CCDC149: variants seen among roughly 807,000 people sequenced by gnomAD.
The protein encoded by CCDC149 is coiled-coil domain containing 149.
A neutral mutation model predicts 59.9 loss-of-function variants in CCDC149; 45 were observed. That is an observed-to-expected ratio of 0.75 (90% CI 0.59 to 0.96). The LOEUF is 0.96. CCDC149 is among the 40% of genes least tolerant of loss of function. CCDC149 has a pLI of 0.00. For missense variants in CCDC149, 584 were observed against 664.7 expected (o/e 0.88, Z 1.33); for synonymous variants, 245 against 260.6 (o/e 0.94, Z 0.58).
chr4:24,883,123 C>A (rs1719947353), intron 1 of CCDC149, among the ~76,000 whole-genome samples: 1 of 152,068 alleles, frequency 6.6e-6, no homozygotes, highest in South Asian at 2.1e-4. Flanking sequence ...GAACAAGGCT[C>A]CTGACTTCCA....
chr4:24,814,722 C>A (rs1331407819), intron 12 of CCDC149, among the ~76,000 whole-genome samples: 1 of 152,220 alleles, frequency 6.6e-6, no homozygotes, highest in Non-Finnish European at 1.5e-5. Flanking sequence ...GAAAGGCTGC[C>A]AGTGTCTCGG....
At chr4:24,936,584 C>A (rs564108403) in intron 1 of CCDC149, among the ~76,000 whole-genome samples, 1 of 152,092 alleles carries the variant, frequency 6.6e-6, no homozygotes, top group African/African-American at 2.4e-5. Flanking sequence ...CTCCTCTTTC[C>A]GCTTTCTTGA....
chr4:24,898,900 C>A (rs560035570), intron 1 of CCDC149, among the ~76,000 whole-genome samples: 101 of 152,050 alleles, frequency 6.6e-4, no homozygotes, highest in Non-Finnish European at 1.2e-3. Context: ...TGGCCAGAGT[C>A]AGGAGTACTA....
intron 1 of CCDC149, among the ~76,000 whole-genome samples, chr4:24,905,454 T>A (rs1035925762): frequency 9.4e-5 from 14 of 148,368 alleles, no homozygotes; most frequent in Non-Finnish European, 1.6e-4. Context: ...TGTGTGTGTG[T>A]GATGGAGTTT....
In CCDC149 at chr4:24,819,883, C is replaced by T. The variant is rs1405181470; in HGVS notation, c.1168G>A (p.Glu390Lys). ...CCATCCTTGGGATCTGCTTTGTTCT[C>T]AGTGGGCTGCTCGACAAACTTCAGC... The change falls in exon 12 of 13, where the codon GAG becomes AAG. Residue 390 changes from glutamate (E) to lysine (K), a missense_variant. By Grantham distance (56) the Glu-to-Lys change is moderately conservative (BLOSUM62 1). Transcript: ENST00000635206. 1 of 1,551,618 alleles carries T rather than the reference C, an allele frequency of 6.4e-7. No individual in the cohort carries two copies. Among genetic ancestry groups the T allele is most frequent in the Admixed American group, 2.0e-5 (1 of 51,006 alleles).
At chr4:24,872,999 A>AGTATGCACCCACCAAGTG (rs1423031087) in intron 3 of CCDC149, among the ~76,000 whole-genome samples, 1 of 149,474 alleles carries the variant, frequency 6.7e-6, no homozygotes, top group Non-Finnish European at 1.5e-5. Context: ...CCCACTGAAC[A>AGTATGCACCCACCAAGTG]GTATGCACCC....
At chr4:24,913,448 G>C (rs945702670), upstream of CCDC149, among the ~76,000 whole-genome samples, 2 of 152,198 alleles carry the variant, frequency 1.3e-5, no homozygotes, top group Non-Finnish European at 2.9e-5. Context: ...TTTGTTGAAC[G>C]CAAGAATGAA....
intron 1 of CCDC149, among the ~76,000 whole-genome samples, chr4:24,882,164 C>T (rs192276060): frequency 8.5e-5 from 13 of 152,192 alleles, no homozygotes; most frequent in African/African-American, 3.1e-4. Flanking sequence ...GTGGGTCTGC[C>T]ACTTATTTCC....
In CCDC149 at chr4:24,952,941, C is replaced by T. The variant is rs201308782; in HGVS notation, c.-65+27128G>A. ...TGGAATCATAGAGTATCTGTCTTTT[C>T]GGAAGAGATTTTTTATGAGAAGTCT... On this transcript the variant is annotated intron_variant, in intron 1 of 12. Coordinates refer to the CCDC149 transcript ENST00000389609. 1.6e-4 allele frequency among the ~76,000 whole-genome samples: 25 copies of T among 151,888 alleles called. No homozygotes were observed. In the East Asian group the frequency reaches 3.3e-3, roughly 20 times the overall value.
intron 4 of CCDC149, among the ~76,000 whole-genome samples, chr4:24,851,192 T>C (rs1289970418): frequency 1.3e-5 from 2 of 152,250 alleles, no homozygotes; most frequent in Non-Finnish European, 2.9e-5. Flanking sequence ...TGACCACCTG[T>C]GCTCAGTGTT....
chr4:24,968,741 T>C (rs1429468717), intron 1 of CCDC149, among the ~76,000 whole-genome samples: 1 of 152,208 alleles, frequency 6.6e-6, no homozygotes, highest in Non-Finnish European at 1.5e-5. Context: ...GCAGTATGGA[T>C]GGTGATCACC....
chr4:24,889,614 T>C (rs1272260360), intron 1 of CCDC149, among the ~76,000 whole-genome samples: 2 of 152,170 alleles, frequency 1.3e-5, no homozygotes, highest in East Asian at 1.9e-4. Context: ...CCCTCACATA[T>C]TGCAATTACA....
intron 3 of CCDC149, 43 bp from the exon 4 acceptor site, chr4:24,853,222 G>C: frequency 4.2e-6 from 6 of 1,432,826 alleles, no homozygotes; most frequent in Non-Finnish European, 5.9e-6. Flanking sequence ...AGAAATGGAG[G>C]AGTGGATGAA....
chr4:24,979,786 T>G (rs928711731), intron 1 of CCDC149, among the ~76,000 whole-genome samples: 1 of 152,156 alleles, frequency 6.6e-6, no homozygotes, highest in Non-Finnish European at 1.5e-5. Flanking sequence ...AAAAGGAACC[T>G]GCCTAGGGAA....
intron 3 of CCDC149, among the ~76,000 whole-genome samples, chr4:24,867,533 T>C (rs1020113628): frequency 6.6e-6 from 1 of 152,264 alleles, no homozygotes; most frequent in Non-Finnish European, 1.5e-5. Context: ...TATTGTTTTC[T>C]ATCTATACTT....
At chr4:24,900,901 C>T (rs1233878160) in intron 1 of CCDC149, among the ~76,000 whole-genome samples, 2 of 152,152 alleles carry the variant, frequency 1.3e-5, no homozygotes, top group Non-Finnish European at 2.9e-5. Context: ...ATCATTTTGG[C>T]TGAAGCAGCC....
chr4:24,808,873 C>T lies in CCDC149; in HGVS notation c.1193-54G>A, dbSNP rs1224756756. 41 of 1,446,036 alleles carry T rather than the reference C, an allele frequency of 2.8e-5. No homozygotes were observed. The Admixed American group carries it at 3.8e-4, about 13-fold the overall frequency. The allele number at this position is 1,446,036 out of a possible 1,614,324, so 89.6% of individuals were successfully genotyped here. ...CCTCTGGCAGCAAATCAGCCCTCACCGCCCCTCTTCTGCCAACCTCCTGCC... is the reference window on the plus strand; with the variant it reads ...CCTCTGGCAGCAAATCAGCCCTCACTGCCCCTCTTCTGCCAACCTCCTGCC... On this transcript the variant is annotated intron_variant, in intron 12 of 12. Transcript: ENST00000635206.
intron 4 of CCDC149, 50 bp from the exon 5 acceptor site, chr4:24,838,322 T>G: frequency 7.1e-7 from 1 of 1,410,814 alleles, no homozygotes; most frequent in African/African-American, 1.4e-5. Flanking sequence ...AATAAACAGA[T>G]CCAAATAAAA....
intron 1 of CCDC149, among the ~76,000 whole-genome samples, chr4:24,932,654 G>A (rs1345034258): frequency 2.0e-5 from 3 of 152,140 alleles, no homozygotes; most frequent in Admixed American, 6.6e-5. Context: ...CTGGTAAGCT[G>A]TAATCCCCTC....
Sources: allele counts gnomAD v4.1 joint callset (sites outside exome capture counted in the v4.1 genomes callset), GRCh38; gene constraint gnomAD v4.1.1; transcripts MANE v1.5; gene names NCBI Gene and HGNC (gene_info 2026-07-23, HGNC 2026-07-21).